XKR4: variants seen among roughly 807,000 people sequenced by gnomAD.
XKR4 encodes XK related 4, also known as XK-related protein 4.
XKR4 carries 12 observed loss-of-function variants against 53.9 expected under a neutral mutation model. The ratio of observed to expected loss-of-function variants is 0.22; its 90% confidence interval spans 0.14 to 0.36. XKR4 has a LOEUF of 0.36. Among genes scored for constraint, XKR4 ranks in the 10% least tolerant of loss-of-function variants. The probability of loss-of-function intolerance (pLI) is 1.00; values close to 1 mark genes in which losing one functional copy is unlikely to be tolerated. For synonymous variants in XKR4, 354 were observed against 362.4 expected (o/e 0.98, Z 0.26); for missense variants, 799 against 859.5 (o/e 0.93, Z 0.88).
intron 1 of XKR4, among the ~76,000 whole-genome samples, chr8:55,216,771 C>A (rs1817805560): frequency 1.4e-5 from 2 of 145,228 alleles, no homozygotes; most frequent in African/African-American, 2.5e-5. Flanking sequence ...TTGATGAGTT[C>A]AACAGCATTA....
chr8:55,170,733 G>T (rs1038307488), intron 1 of XKR4, among the ~76,000 whole-genome samples: 3 of 152,058 alleles, frequency 2.0e-5, no homozygotes, highest in Non-Finnish European at 4.4e-5. Flanking sequence ...TGTCATGATG[G>T]GCTTGACTGA....
rs1585624716 is a variant in XKR4, at chr8:55,539,550, A to C, written c.*15323A>C. 1 of 152,354 alleles carries C rather than the reference A, an allele frequency of 6.6e-6. No homozygotes were observed. The highest frequency in any genetic ancestry group is 2.1e-4 in the South Asian group (1 of 4,832). 9.4% of individuals were successfully genotyped at this position (152,354 alleles called of 1,614,324 possible). Reference sequence around the variant, plus strand: ...TGCATGGTATTAAACTTTCTGAAGCATGAATTTAACCTAGGCAATTATCTG... The same window carrying C: ...TGCATGGTATTAAACTTTCTGAAGCCTGAATTTAACCTAGGCAATTATCTG... On this transcript the variant is annotated 3_prime_UTR_variant, in exon 3 of 3. Transcript: ENST00000327381.
At chr8:55,454,576 T>G in intron 2 of XKR4, 1 of 1,436,872 alleles carries the variant, frequency 7.0e-7, no homozygotes, top group Non-Finnish European at 9.6e-7. Context: ...CAGTGGAGTC[T>G]GGATGACCTG....
chr8:55,357,633 C>T (rs1803838925), intron 1 of XKR4, 45 bp from the exon 2 acceptor site: 1 of 1,600,230 alleles, frequency 6.2e-7, no homozygotes, highest in African/African-American at 1.3e-5. Context: ...GAATTATAAA[C>T]TATCATCACT....
chr8:55,393,402 AGAAG>A (rs36208673), intron 2 of XKR4, among the ~76,000 whole-genome samples: 17,739 of 144,174 alleles, frequency 0.12, 1,208 homozygotes, highest in Middle Eastern at 0.2. Flanking sequence ...ATACTTCTTA[AGAAG>A]GAAGGAAGGA....
chr8:55,134,995 A>G lies in XKR4; in HGVS notation c.806+31701A>G, dbSNP rs1263455302. Among the ~76,000 whole-genome samples the G allele has an allele frequency of 3.9e-5, 6 of 152,118 alleles. No homozygotes were observed. The South Asian group carries it at 1.2e-3, about 32-fold the overall frequency. ...TTTGACAACATGCATAGTAGGAAAT[A>G]CATTTTACAGTCTGAATCAGTAGAG... On this transcript the variant is annotated intron_variant, in intron 1 of 2. Coordinates refer to ENST00000327381, the MANE Select transcript of XKR4 (RefSeq NM_052898.2).
At chr8:55,376,867 T>C (rs1355712479) in intron 2 of XKR4, among the ~76,000 whole-genome samples, 1 of 151,760 alleles carries the variant, frequency 6.6e-6, no homozygotes, top group Non-Finnish European at 1.5e-5. Context: ...TATTTTCTCA[T>C]CTCTCACCCT....
chr8:55,341,311 C>A (rs1792133808), intron 1 of XKR4, among the ~76,000 whole-genome samples: 1 of 152,092 alleles, frequency 6.6e-6, no homozygotes, highest in South Asian at 2.1e-4. Context: ...GGCAGGTGGG[C>A]AGCAGGGGTA....
intron 2 of XKR4, among the ~76,000 whole-genome samples, chr8:55,390,335 C>T (rs767727604): frequency 6.6e-6 from 1 of 152,152 alleles, no homozygotes; most frequent in East Asian, 1.9e-4. Flanking sequence ...CTAATAAATA[C>T]AATTTTTATA....
chr8:55,374,015 T>C (rs758481021), intron 2 of XKR4, among the ~76,000 whole-genome samples: 1 of 152,122 alleles, frequency 6.6e-6, no homozygotes, highest in Non-Finnish European at 1.5e-5. Flanking sequence ...TCAGGCCAAG[T>C]GCGGTAGCAC....
chr8:55,328,659 C>G (rs1157609423), intron 1 of XKR4, among the ~76,000 whole-genome samples: 1 of 152,194 alleles, frequency 6.6e-6, no homozygotes, highest in Admixed American at 6.5e-5. Context: ...CTGGCTCCCT[C>G]CAGTTTCAAT....
At chr8:55,318,487 T>C (rs1803148826) in intron 1 of XKR4, among the ~76,000 whole-genome samples, 1 of 152,170 alleles carries the variant, frequency 6.6e-6, no homozygotes, top group Admixed American at 6.5e-5. Context: ...ATTAGCAGTT[T>C]GTCCCAAACT....
chr8:55,107,322 A>G (rs1419530306), intron 1 of XKR4, among the ~76,000 whole-genome samples: 1 of 152,174 alleles, frequency 6.6e-6, no homozygotes, highest in African/African-American at 2.4e-5. Context: ...GGCCCATTTT[A>G]CCATACAGTC....
chr8:55,208,370 A>G (rs1036573276), intron 1 of XKR4, among the ~76,000 whole-genome samples: 1 of 152,254 alleles, frequency 6.6e-6, no homozygotes, highest in Admixed American at 6.5e-5. Flanking sequence ...CCTCTTAGCC[A>G]TAAGAGAAAA....
chr8:55,429,067 CA>C (rs1180928293), intron 2 of XKR4, among the ~76,000 whole-genome samples: 2 of 152,172 alleles, frequency 1.3e-5, no homozygotes, highest in Admixed American at 1.3e-4. Flanking sequence ...ACACATAGAT[CA>C]ATGGAACTAA....
chr8:55,251,384 G>A (rs575927563), intron 1 of XKR4, among the ~76,000 whole-genome samples: 4 of 152,202 alleles, frequency 2.6e-5, no homozygotes, highest in Non-Finnish European at 4.4e-5. Flanking sequence ...TAGAGGAGTT[G>A]CTGAATTTCA....
chr8:55,102,517 A>G lies in XKR4; in HGVS notation c.29A>G (p.Lys10Arg). ...GCCGCTAAATCAGACGGGAGGCTGA[A>G]AATGAAGAAAAGCAGCGACGTGGCG... MAAKSDGRL[K>R]MKKSSDVAFT... is the part of the protein sequence containing the mutation. Residue 10 changes from lysine to arginine, a missense_variant, in exon 1 of 3, where the codon AAA (lysine) becomes AGA (arginine). Lys to Arg is a conservative substitution (Grantham distance 26). Coordinates refer to ENST00000327381, the MANE Select transcript of XKR4 (RefSeq NM_052898.2). This position sits in a 1 kb window ranked among gnomAD's most constrained non-coding sequence, Gnocchi z 5.1. The G allele has an allele frequency of 6.5e-7, 1 of 1,548,046 alleles. No homozygotes were observed. The highest frequency in any genetic ancestry group is 1.8e-5 in the Admixed American group (1 of 55,642).
At chr8:55,339,319 T>A (rs1803508507) in intron 1 of XKR4, among the ~76,000 whole-genome samples, 1 of 152,184 alleles carries the variant, frequency 6.6e-6, no homozygotes, top group Non-Finnish European at 1.5e-5. Context: ...AGACTCCTCA[T>A]GGGTCAAAAA....
chr8:55,524,340 G>A lies in XKR4; in HGVS notation c.*113G>A. On this transcript the variant is annotated 3_prime_UTR_variant, in exon 3 of 3. Coordinates refer to ENST00000327381, the MANE Select transcript of XKR4 (RefSeq NM_052898.2). ...GCAGTGAGCCGTGAAGTTCCTAGTG[G>A]GACCGTCATCACCATTATCATTTGA... 1 of 1,047,758 alleles carries A rather than the reference G, an allele frequency of 9.5e-7. No individual in the cohort carries two copies. The highest frequency in any genetic ancestry group is 1.4e-6 in the Non-Finnish European group (1 of 733,490). The allele number at this position is 1,047,758 out of a possible 1,614,324, so 64.9% of individuals were successfully genotyped here.
Sources: gnomAD v4.1 joint callset for allele counts (sites outside exome capture counted in the v4.1 genomes callset) on GRCh38, gnomAD v4.1.1 for gene constraint, Gnocchi (gnomAD v3.1) non-coding constraint, MANE v1.5 for transcripts, NCBI Gene and HGNC (gene_info 2026-07-23, HGNC 2026-07-21) for gene names.